Variants in BNIP2 observed in about 807,000 individuals in gnomAD.
BNIP2 encodes BCL2 interacting protein 2.
Under a neutral mutation model 43.4 loss-of-function variants are expected in BNIP2, and 36 were observed. That is an observed-to-expected ratio of 0.83 (90% confidence interval 0.64 to 1.10). The LOEUF is 1.10. Among genes scored for constraint, BNIP2 ranks in the 50% least tolerant of loss-of-function variants. The probability of loss-of-function intolerance (pLI) is 0.00; values close to 1 mark genes in which losing one functional copy is unlikely to be tolerated. For missense variants in BNIP2, 417 were observed against 374.1 expected (o/e 1.11, Z -0.95); for synonymous variants, 146 against 121.0 (o/e 1.21, Z -1.35).
chr15:59,667,196 CAA>C (rs1892618770), intron 9 of BNIP2, among the ~76,000 whole-genome samples: 1 of 152,180 alleles, frequency 6.6e-6, no homozygotes, highest in African/African-American at 2.4e-5. Context: ...GATTCTATCA[CAA>C]AGTCTACTAA....
intron 1 of BNIP2, 134 bp from the exon 2 acceptor site, chr15:59,682,648 T>C: frequency 1.6e-6 from 1 of 642,930 alleles, no homozygotes; most frequent in Non-Finnish European, 2.4e-6. Flanking sequence ...ATTTACAGGG[T>C]TGCAATTTTT....
chr15:59,677,602 T>C (rs555740018), intron 5 of BNIP2, among the ~76,000 whole-genome samples: 3 of 152,240 alleles, frequency 2.0e-5, no homozygotes, highest in Admixed American at 6.5e-5. Flanking sequence ...GCAAAGAACA[T>C]TGGGAAATTG....
intron 1 of BNIP2, among the ~76,000 whole-genome samples, chr15:59,684,758 T>C (rs1893908156): frequency 2.0e-5 from 3 of 152,232 alleles, no homozygotes; most frequent in African/African-American, 7.2e-5. Flanking sequence ...TTATTGTGTG[T>C]TGAAAAACAC....
At position 59,668,899 on chromosome 15, in the gene BNIP2, T is replaced by C. The variant is rs951585968; in HGVS notation, c.886A>G (p.Ile296Val). The C allele has an allele frequency of 1.6e-5, 26 of 1,612,164 alleles. No individual in the cohort carries two copies. Among genetic ancestry groups the C allele is most frequent in the Non-Finnish European group, 2.2e-5 (26 of 1,178,462 alleles). ...AAATAAAACAAAACATACTGTTTTA[T>C]GCATTCTGGTATGCCAACGTATTCC... ...PMEYVGIPECIKQVDQELNGK... is the reference protein window; with the variant it reads ...PMEYVGIPECVKQVDQELNGK... The change falls in exon 9 of 10, where the codon ATA (isoleucine) becomes GTA (valine). Residue 296 changes from isoleucine to valine, a missense_variant. Ile to Val is a conservative substitution (Grantham distance 29). Transcript: ENST00000607373.
Position 59,689,234 on chromosome 15 carries a change from C to CCCCAA in BNIP2, c.-158_-157insTTGGG. The stretch of plus-strand genomic sequence containing the variant: ...AAAAAGCAGGGCCGAGCGGAGCCCG[C>CCCCAA]TCCCCTCGGTCGGCGGTGGAGACCC... On this transcript the variant is annotated 5_prime_UTR_variant, in exon 1 of 10. Transcript: ENST00000607373. The CCCCAA allele has an allele frequency of 6.5e-7, 1 of 1,542,190 alleles. No individual in the cohort carries two copies. Among genetic ancestry groups the CCCCAA allele is most frequent in the Non-Finnish European group, 8.7e-7 (1 of 1,146,232 alleles).
intron 6 of BNIP2, 130 bp from the exon 7 acceptor site, chr15:59,671,444 C>A (rs541158818): frequency 6.0e-6 from 4 of 666,346 alleles, no homozygotes; most frequent in Admixed American, 6.7e-5. Context: ...ATGCTCAAAC[C>A]GCATTAGCTA....
At chr15:59,676,638 A>G (rs1360151509) in intron 5 of BNIP2, 4 of 567,504 alleles carry the variant, frequency 7.0e-6, no homozygotes, top group Middle Eastern at 3.1e-4. Context: ...AAATTACATA[A>G]TATCTCTAGG....
intron 1 of BNIP2, among the ~76,000 whole-genome samples, chr15:59,687,578 T>C (rs1894103396): frequency 6.6e-6 from 1 of 152,002 alleles, no homozygotes; most frequent in South Asian, 2.1e-4. Flanking sequence ...TCTCATCTCA[T>C]TGCTTTATCA....
In BNIP2 at chr15:59,671,317, G is replaced by C. The variant is rs780055483; in HGVS notation, c.576-3C>G. ...GCTCCAAAGTGCCAATAACATATCT[G>C]TAAAAAACAAATTAAGTTTAAGCCT... On this transcript the variant is annotated splice_region_variant and splice_polypyrimidine_tract_variant and intron_variant, in intron 6 of 9. Coordinates refer to ENST00000607373, the MANE Select transcript of BNIP2 (RefSeq NM_004330.4). 1.2e-5 allele frequency: 19 copies of C among 1,579,904 alleles called. No individual in the cohort carries two copies. The highest frequency in any genetic ancestry group is 5.2e-6 in the Non-Finnish European group (6 of 1,161,494).
rs1036242405 is a variant in BNIP2 at position 59,688,595 on chromosome 15, T to C, written c.-58+540A>G. The C allele has an allele frequency of 3.8e-5, 39 of 1,026,194 alleles. No homozygotes were observed. In the African/African-American group the frequency reaches 5.9e-4, roughly 16 times the overall value. The allele number at this position is 1,026,194 out of a possible 1,614,324, so 63.6% of individuals were successfully genotyped here. A position where few individuals can be genotyped will look rare whatever the true frequency, so the allele number is the denominator to read the frequency against. On this transcript the variant is annotated intron_variant, in intron 1 of 9. Transcript: ENST00000607373. ...TTGCCAGGTATTTAAACAGAAAGGG[T>C]TGTGTCTAGATTCACGCGGGGACTC...
chr15:59,687,961 T>C (rs1383099213), intron 1 of BNIP2, among the ~76,000 whole-genome samples: 1 of 152,196 alleles, frequency 6.6e-6, no homozygotes, highest in African/African-American at 2.4e-5. Flanking sequence ...CTGGCAATTT[T>C]ATACAGAAGA....
At chr15:59,664,414 C>T (rs1431576424) in intron 9 of BNIP2, among the ~76,000 whole-genome samples, 1 of 151,902 alleles carries the variant, frequency 6.6e-6, no homozygotes, top group African/African-American at 2.4e-5. Context: ...CGGAGTCTTG[C>T]TCTGTCACCC....
intron 5 of BNIP2, among the ~76,000 whole-genome samples, chr15:59,675,282 G>C (rs111773983): frequency 6.7e-6 from 1 of 148,312 alleles, no homozygotes; most frequent in Admixed American, 6.8e-5. Flanking sequence ...ATTTGTTCAC[G>C]GTTTTAAGGC....
chr15:59,678,030 T>C lies in BNIP2; in HGVS notation c.353A>G (p.Tyr118Cys), dbSNP rs766248523. 8 of 1,613,988 alleles carry C rather than the reference T, an allele frequency of 5.0e-6. No individual in the cohort carries two copies. The South Asian group carries it at 6.6e-5, about 13-fold the overall frequency. Reference sequence around the variant, plus strand: ...ATCTTCTTTTTCCTCTGCTGCTGTGTATTCAGTAATTGAGCCTTTCCTAAT... The same window carrying C: ...ATCTTCTTTTTCCTCTGCTGCTGTGCATTCAGTAATTGAGCCTTTCCTAAT... ...EVIRKGSITE[Y>C]TAAEEKEDGR... The change falls in exon 5 of 10, where the codon TAC (tyrosine) becomes TGC (cysteine). Residue 118 changes from tyrosine (Y) to cysteine (C), a missense_variant. Coordinates refer to ENST00000607373, the MANE Select transcript of BNIP2 (RefSeq NM_004330.4).
In BNIP2 at chr15:59,689,222, G is replaced by A. The variant is rs949668865; in HGVS notation, c.-145C>T. ...CGGCCAGGTCGCAAAAAGCAGGGCC[G>A]AGCGGAGCCCGCTCCCCTCGGTCGG... is the stretch of plus-strand genomic sequence containing the variant. On this transcript the variant is annotated 5_prime_UTR_variant, in exon 1 of 10. Transcript: ENST00000607373. 45 of 1,541,112 alleles carry A rather than the reference G, an allele frequency of 2.9e-5. No individual in the cohort carries two copies. The East Asian group carries it at 7.8e-4, about 27-fold the overall frequency.
intron 5 of BNIP2, among the ~76,000 whole-genome samples, chr15:59,673,259 C>T (rs574061549): frequency 2.0e-5 from 3 of 152,018 alleles, no homozygotes; most frequent in African/African-American, 7.2e-5. Flanking sequence ...ATTATAAGCG[C>T]ACACCACCGT....
In BNIP2 at chr15:59,673,331, G is replaced by C. The variant is rs140776129; in HGVS notation, c.473-592C>G. Among the ~76,000 whole-genome samples the C allele has an allele frequency of 2.0e-3, 306 of 151,512 alleles. 1 individual carries two copies. Among genetic ancestry groups the C allele is most frequent in the African/African-American group, 7.2e-3 (296 of 41,250 alleles). Reference sequence around the variant, plus strand: ...GGGTTTCACTAAGTTGGCCAGACTGGTCTCGAACTCCTGACCTCGTGATCT... The same window carrying C: ...GGGTTTCACTAAGTTGGCCAGACTGCTCTCGAACTCCTGACCTCGTGATCT... On this transcript the variant is annotated intron_variant, in intron 5 of 9. Transcript: ENST00000607373.
At position 59,662,925 on chromosome 15, in the gene BNIP2, C is replaced by T. The variant is rs1892353858; in HGVS notation, c.*1144G>A. On this transcript the variant is annotated 3_prime_UTR_variant, in exon 10 of 10. Coordinates refer to ENST00000607373, the MANE Select transcript of BNIP2 (RefSeq NM_004330.4). ...ACTACCAAATGAAACAGTTTAAATGCTTGTAACAAACGTGTTATCCAAAAC... is the reference window on the plus strand; with the variant it reads ...ACTACCAAATGAAACAGTTTAAATGTTTGTAACAAACGTGTTATCCAAAAC... 6.6e-6 allele frequency: 1 copy of T among 152,268 alleles called. No homozygotes were observed. The highest frequency in any genetic ancestry group is 2.1e-4 in the South Asian group (1 of 4,830). 9.4% of individuals were successfully genotyped at this position (152,268 alleles called of 1,614,324 possible). A position where few individuals can be genotyped will look rare whatever the true frequency, so the allele number is the denominator to read the frequency against.
At chr15:59,676,971 C>A in intron 5 of BNIP2, 1 of 1,613,480 alleles carries the variant, frequency 6.2e-7, no homozygotes, top group South Asian at 1.1e-5. Flanking sequence ...ATCTTCATCA[C>A]CCTCTTAGGT....
Sources: gnomAD v4.1 joint callset for allele counts (sites outside exome capture counted in the v4.1 genomes callset) on GRCh38, gnomAD v4.1.1 for gene constraint, MANE v1.5 for transcripts, NCBI Gene and HGNC (gene_info 2026-07-23, HGNC 2026-07-21) for gene names.